CENPP: variants seen among roughly 807,000 people sequenced by gnomAD.
CENPP encodes the protein centromere protein P.
Under a neutral mutation model 35.6 loss-of-function variants are expected in CENPP, and 24 were observed. The observed-to-expected ratio is 0.67, with a 90% CI of 0.49 to 0.95. The LOEUF is 0.95. Ranked by LOEUF, CENPP falls within the 40% of genes least tolerant of loss-of-function variation. CENPP has a pLI of 0.00. For synonymous variants in CENPP, 120 were observed against 125.5 expected (o/e 0.96, Z 0.29); for missense variants, 332 against 345.3 (o/e 0.96, Z 0.31).
At chr9:92,435,896 T>C (rs1168329569) in intron 5 of CENPP, among the ~76,000 whole-genome samples, 1 of 152,228 alleles carries the variant, frequency 6.6e-6, no homozygotes, top group Non-Finnish European at 1.5e-5. Flanking sequence ...TGTGTCAACA[T>C]GAGTCTTCAT....
At chr9:92,581,192 T>A (rs567283506) in intron 5 of CENPP, among the ~76,000 whole-genome samples, 22 of 152,264 alleles carry the variant, frequency 1.4e-4, no homozygotes, top group Non-Finnish European at 2.6e-4. Context: ...TACATAAATA[T>A]CAAGATACTT....
At chr9:92,327,650 A>C (rs1840602881) in intron 1 of CENPP, among the ~76,000 whole-genome samples, 1 of 152,254 alleles carries the variant, frequency 6.6e-6, no homozygotes, top group African/African-American at 2.4e-5. Flanking sequence ...AACCTGTTAG[A>C]ACAAGTCCAT....
intron 5 of CENPP, among the ~76,000 whole-genome samples, chr9:92,585,202 A>C (rs10491805): frequency 0.027 from 4,081 of 152,330 alleles, 333 homozygotes; most frequent in Admixed American, 0.16. Flanking sequence ...CTAGAAAGTA[A>C]GTTTGGAGAA....
At chr9:92,550,938 C>G (rs944346588) in intron 5 of CENPP, among the ~76,000 whole-genome samples, 1 of 152,154 alleles carries the variant, frequency 6.6e-6, no homozygotes, top group Non-Finnish European at 1.5e-5. Flanking sequence ...TTCCCCAGCT[C>G]CATATGAGCA....
At chr9:92,326,144 A>C in intron 1 of CENPP, 39 bp downstream of exon 1, 2 of 1,367,964 alleles carry the variant, frequency 1.5e-6, no homozygotes, top group Non-Finnish European at 2.0e-6. Flanking sequence ...CCCGCTGGCC[A>C]GGGTTCCCGG....
At chr9:92,456,025 C>T (rs1401365030) in intron 5 of CENPP, among the ~76,000 whole-genome samples, 3 of 152,142 alleles carry the variant, frequency 2.0e-5, no homozygotes, top group Admixed American at 1.3e-4. Context: ...GAGCCAAGAT[C>T]AGGCCACTGC....
chr9:92,420,511 C>A (rs1175163997), intron 5 of CENPP, among the ~76,000 whole-genome samples: 1 of 152,178 alleles, frequency 6.6e-6, no homozygotes, highest in Non-Finnish European at 1.5e-5. Context: ...GACCACTAAC[C>A]TCAAGTGCTG....
At chr9:92,594,407 G>C (rs1850729973) in intron 5 of CENPP, among the ~76,000 whole-genome samples, 1 of 152,126 alleles carries the variant, frequency 6.6e-6, no homozygotes, top group African/African-American at 2.4e-5. Context: ...AGCACGGCGT[G>C]TCTGAGCCTT....
At chr9:92,401,322 T>A (rs1401124097) in intron 5 of CENPP, 1 of 509,450 alleles carries the variant, frequency 2.0e-6, no homozygotes, top group Non-Finnish European at 3.5e-6. Flanking sequence ...TCATACATAT[T>A]TCCATTTTAT....
intron 5 of CENPP, among the ~76,000 whole-genome samples, chr9:92,387,423 A>G (rs1484282413): frequency 6.6e-6 from 1 of 152,060 alleles, no homozygotes; most frequent in Admixed American, 6.6e-5. Flanking sequence ...TTCCCAAAGC[A>G]GTTTAGCAAA....
At chr9:92,587,523 T>C (rs549688531) in intron 5 of CENPP, among the ~76,000 whole-genome samples, 5 of 152,166 alleles carry the variant, frequency 3.3e-5, no homozygotes, top group Non-Finnish European at 7.3e-5. Context: ...TAATGGAATA[T>C]TATTCAGGCA....
chr9:92,611,393 G>A lies in CENPP; in HGVS notation c.644G>A (p.Gly215Glu). The change falls in exon 6 of 8, where the codon GGG becomes GAG. Residue 215 changes from glycine to glutamate, a missense_variant and splice_region_variant. Transcript: ENST00000375587. ...SMGIRSASRP[G>E]FELVIVWRIQ... Reference sequence around the variant, plus strand: ...GGGATCCGCAGCGCCAGCCGGCCAGGGTGAGCCTGCACAGGCCATGGGGCC... The same window carrying A: ...GGGATCCGCAGCGCCAGCCGGCCAGAGTGAGCCTGCACAGGCCATGGGGCC... 1.2e-6 allele frequency: 2 copies of A among 1,612,056 alleles called. No individual in the cohort carries two copies. Among genetic ancestry groups the A allele is most frequent in the Non-Finnish European group, 8.5e-7 (1 of 1,179,646 alleles).
chr9:92,492,934 C>A (rs923529532), intron 5 of CENPP, among the ~76,000 whole-genome samples: 1 of 152,188 alleles, frequency 6.6e-6, no homozygotes, highest in Non-Finnish European at 1.5e-5. Context: ...GTCGACTAGC[C>A]ATTTAAGGCG....
chr9:92,522,817 G>T, intron 5 of CENPP: 1 of 1,611,106 alleles, frequency 6.2e-7, no homozygotes, highest in Non-Finnish European at 8.5e-7. Context: ...TCCAAAGTCA[G>T]TTTGAAAAAT....
At chr9:92,445,259 C>T (rs113942111) in intron 5 of CENPP, among the ~76,000 whole-genome samples, 7 of 152,304 alleles carry the variant, frequency 4.6e-5, no homozygotes, top group Non-Finnish European at 1.0e-4. Context: ...CTTCTTCAAG[C>T]ATCATTGGGG....
chr9:92,571,714 TA>T (rs1272210599), intron 5 of CENPP, among the ~76,000 whole-genome samples: 1 of 152,190 alleles, frequency 6.6e-6, no homozygotes, highest in African/African-American at 2.4e-5. Context: ...TGTGGGAGTC[TA>T]AGTCTCTTTG....
At chr9:92,397,332 G>A (rs1588095750) in intron 5 of CENPP, among the ~76,000 whole-genome samples, 1 of 151,912 alleles carries the variant, frequency 6.6e-6, no homozygotes, top group Non-Finnish European at 1.5e-5. Flanking sequence ...TTTTTGGTTT[G>A]TTCATTTGTT....
chr9:92,566,723 C>T (rs1472885514), intron 5 of CENPP, among the ~76,000 whole-genome samples: 2 of 152,140 alleles, frequency 1.3e-5, no homozygotes, highest in Non-Finnish European at 2.9e-5. Flanking sequence ...GCATAAGAGA[C>T]TTGTGGGACA....
chr9:92,386,663 C>G (rs1185681786), intron 5 of CENPP, among the ~76,000 whole-genome samples: 1 of 152,150 alleles, frequency 6.6e-6, no homozygotes, highest in Non-Finnish European at 1.5e-5. Context: ...GACCCTGGTG[C>G]TGCCATAACC....
Sources: allele counts gnomAD v4.1 joint callset (sites outside exome capture counted in the v4.1 genomes callset), GRCh38; gene constraint gnomAD v4.1.1; transcripts MANE v1.5; gene names NCBI Gene and HGNC (gene_info 2026-07-23, HGNC 2026-07-21).